Variants in ABLIM3 observed in about 807,000 individuals in gnomAD.
ABLIM3 encodes the protein actin binding LIM protein family member 3, also known as actin-binding LIM protein 3.
Under a neutral mutation model 109.5 loss-of-function variants are expected in ABLIM3, and 61 were observed. The ratio of observed to expected loss-of-function variants is 0.56; its 90% CI spans 0.45 to 0.69. The LOEUF is 0.69. ABLIM3 is among the 30% of genes least tolerant of loss of function. ABLIM3 has a pLI of 0.00. For synonymous variants in ABLIM3, 300 were observed against 324.8 expected (o/e 0.92, Z 0.82); for missense variants, 796 against 889.5 (o/e 0.89, Z 1.34).
rs758888157 is a variant in ABLIM3 at position 149,239,257 on chromosome 5, A to G, written c.1054A>G (p.Thr352Ala). 6.2e-7 allele frequency: 1 copy of G among 1,614,078 alleles called. No homozygotes were observed. The highest frequency in any genetic ancestry group is 8.5e-7 in the Non-Finnish European group (1 of 1,179,960). The change falls in exon 12 of 24, where the codon ACA (threonine) becomes GCA (alanine). Residue 352 changes from threonine to alanine, a missense_variant. Transcript: ENST00000309868. The part of the protein sequence containing the change: ...ERCGYGESLG[T>A]LSPYSQDIYE... Reference sequence around the variant, plus strand: ...ACTCTTCACTTCTAAGTCGCTGGGAACATTATCTCCCTACTCCCAGGTAAT... The same window carrying G: ...ACTCTTCACTTCTAAGTCGCTGGGAGCATTATCTCCCTACTCCCAGGTAAT...
rs760783998 is a variant in ABLIM3, at chr5:149,247,849, A to G, written c.1619A>G (p.Asp540Gly). The change falls in exon 18 of 24, where the codon GAT (aspartate) becomes GGT (glycine). Residue 540 changes from aspartate (D) to glycine (G), a missense_variant. Physicochemically the swap from Asp to Gly is moderately conservative, Grantham distance 94. Coordinates refer to ENST00000309868, the MANE Select transcript of ABLIM3 (RefSeq NM_014945.5). ...AAGGCCCGGTCGAGCTCCTATGCAG[A>G]TCCCTGGACCCCTCCCCGGAGCTCC... ...EMKARSSSYA[D>G]PWTPPRSSTS... The G allele has an allele frequency of 4.6e-5, 75 of 1,614,094 alleles. No homozygotes were observed. The Middle Eastern group carries it at 6.6e-4, about 14-fold the overall frequency.
intron 2 of ABLIM3, among the ~76,000 whole-genome samples, chr5:149,160,070 C>T (rs765316606): frequency 6.6e-6 from 1 of 152,094 alleles, no homozygotes; most frequent in Non-Finnish European, 1.5e-5. Context: ...CAGACCCTTC[C>T]CACAGAATGA....
intron 8 of ABLIM3, among the ~76,000 whole-genome samples, chr5:149,221,680 A>G (rs13171669): frequency 0.31 from 47,721 of 152,166 alleles, 9,097 homozygotes; most frequent in East Asian, 0.59. Flanking sequence ...TCACCAGGAA[A>G]TTAGGTCACT....
intron 10 of ABLIM3, among the ~76,000 whole-genome samples, chr5:149,234,351 CAAG>C (rs1367133868): frequency 6.6e-6 from 1 of 152,122 alleles, no homozygotes; most frequent in African/African-American, 2.4e-5. Flanking sequence ...CCAAAGGAGC[CAAG>C]AAGACCAGAA....
chr5:149,249,779 T>C (rs1165396420), intron 18 of ABLIM3, 36 bp from the exon 19 acceptor site: 1 of 1,613,904 alleles, frequency 6.2e-7, no homozygotes. Context: ...TTGTCTTTCC[T>C]CATGAGCAAT....
At chr5:149,192,316 T>C (rs1757554380) in intron 3 of ABLIM3, among the ~76,000 whole-genome samples, 1 of 150,674 alleles carries the variant, frequency 6.6e-6, no homozygotes, top group South Asian at 2.1e-4. Flanking sequence ...TAGTCTATAA[T>C]AAGGAGAAAG....
intron 10 of ABLIM3, among the ~76,000 whole-genome samples, chr5:149,235,163 T>G (rs1762224664): frequency 6.6e-6 from 1 of 152,202 alleles, no homozygotes; most frequent in South Asian, 2.1e-4. Context: ...CATGCTCAGC[T>G]GCTCCTGGGA....
rs533579831 is a variant in ABLIM3, at chr5:149,245,360, C to T, written c.1486+345C>T. ...GTTTCTCAATGCAGCCACTCAGCTG[C>T]CATCAGGAGGGTGGCAAGGATGTAA... On this transcript the variant is annotated intron_variant, in intron 16 of 23. Transcript: ENST00000309868. 2.0e-5 allele frequency among the ~76,000 whole-genome samples: 3 copies of T among 152,258 alleles called. No individual in the cohort carries two copies. In the South Asian group the frequency reaches 6.2e-4, roughly 32 times the overall value.
At chr5:149,167,844 G>C (rs1265936938) in intron 2 of ABLIM3, among the ~76,000 whole-genome samples, 1 of 152,100 alleles carries the variant, frequency 6.6e-6, no homozygotes, top group Admixed American at 6.5e-5. Flanking sequence ...ATGAAAGTAG[G>C]GTTTATACTC....
At chr5:149,212,434 T>C (rs1213080928) in intron 7 of ABLIM3, among the ~76,000 whole-genome samples, 1 of 152,054 alleles carries the variant, frequency 6.6e-6, no homozygotes, top group African/African-American at 2.4e-5. Flanking sequence ...TGGTTAGAGC[T>C]GGGCTTCTGG....
intron 10 of ABLIM3, among the ~76,000 whole-genome samples, chr5:149,235,726 T>C (rs1762280087): frequency 6.6e-6 from 1 of 152,210 alleles, no homozygotes; most frequent in South Asian, 2.1e-4. Flanking sequence ...AGGCTTTTTT[T>C]ACCCACACAC....
intron 5 of ABLIM3, among the ~76,000 whole-genome samples, chr5:149,205,253 C>T (rs1432765108): frequency 2.0e-5 from 3 of 152,164 alleles, no homozygotes; most frequent in Non-Finnish European, 4.4e-5. Flanking sequence ...CATACCTGTC[C>T]AAGGGCAGAG....
chr5:149,168,162 T>C (rs1281264525), intron 2 of ABLIM3, among the ~76,000 whole-genome samples: 6 of 152,092 alleles, frequency 3.9e-5, no homozygotes, highest in Non-Finnish European at 5.9e-5. Context: ...AATAGAGAAC[T>C]GGTGAACTAG....
At chr5:149,200,568 C>A in intron 5 of ABLIM3, 140 bp downstream of exon 5, 1 of 761,310 alleles carries the variant, frequency 1.3e-6, no homozygotes, top group Non-Finnish European at 2.2e-6. Flanking sequence ...GCATCATGAC[C>A]CCATTGGCAT....
chr5:149,209,470 T>C (rs940863495), intron 6 of ABLIM3, among the ~76,000 whole-genome samples: 2 of 152,212 alleles, frequency 1.3e-5, no homozygotes, highest in Non-Finnish European at 2.9e-5. Flanking sequence ...TGTAGGGTTG[T>C]GTAAGGGCTC....
At chr5:149,225,974 G>A (rs1581175961) in intron 8 of ABLIM3, among the ~76,000 whole-genome samples, 1 of 92,208 alleles carries the variant, frequency 1.1e-5, no homozygotes, top group East Asian at 2.8e-4. Context: ...GTGTGTGTGT[G>A]TGTGTGTGTA....
chr5:149,179,401 CA>C (rs1756268330), intron 2 of ABLIM3, among the ~76,000 whole-genome samples: 1 of 152,132 alleles, frequency 6.6e-6, no homozygotes, highest in African/African-American at 2.4e-5. Context: ...TAGGTTTGTT[CA>C]GTCTTTCAGT....
intron 9 of ABLIM3, among the ~76,000 whole-genome samples, chr5:149,231,488 T>C (rs1041017173): frequency 6.6e-6 from 1 of 152,220 alleles, no homozygotes; most frequent in Non-Finnish European, 1.5e-5. Context: ...GGGACTCTAT[T>C]GTGTTACCTG....
At chr5:149,178,321 C>T (rs750042468) in intron 2 of ABLIM3, among the ~76,000 whole-genome samples, 8 of 152,190 alleles carry the variant, frequency 5.3e-5, no homozygotes, top group South Asian at 4.2e-4. Context: ...AGAGTGAAAG[C>T]GGCTGCACCC....
Sources: gnomAD v4.1 joint callset for allele counts (sites outside exome capture counted in the v4.1 genomes callset) on GRCh38, gnomAD v4.1.1 for gene constraint, MANE v1.5 for transcripts, NCBI Gene and HGNC (gene_info 2026-07-23, HGNC 2026-07-21) for gene names.